Variants in CARM1 observed in about 807,000 individuals in gnomAD.
CARM1 encodes histone-arginine methyltransferase CARM1.
In CARM1, 14 loss-of-function variants were observed where a neutral mutation model predicts 72.7. The observed-to-expected ratio is 0.19, with a 90% CI of 0.13 to 0.30. The LOEUF (loss-of-function observed/expected upper bound fraction) is 0.30, where lower values mean the gene tolerates loss of function less well. Among genes scored for constraint, CARM1 ranks in the 10% least tolerant of loss-of-function variants. The pLI, the probability that CARM1 is intolerant of heterozygous loss-of-function variation, is 1.00. For synonymous variants in CARM1, 333 were observed against 345.5 expected (o/e 0.96, Z 0.40); for missense variants, 432 against 833.7 (o/e 0.52, Z 5.93).
chr19:10,908,177 T>TC lies in CARM1; in HGVS notation c.453+38dup, dbSNP rs768706879. 11 of 1,437,594 alleles carry TC rather than the reference T, an allele frequency of 7.7e-6. No individual in the cohort carries two copies. In the East Asian group the frequency reaches 1.9e-4, roughly 25 times the overall value. The allele number at this position is 1,437,594 out of a possible 1,614,324, so 89.1% of individuals were successfully genotyped here. A position where few individuals can be genotyped will look rare whatever the true frequency, so the allele number is the denominator to read the frequency against. On this transcript the variant is annotated intron_variant, in intron 3 of 15. Transcript: ENST00000327064. ...TGTACTCCCCCTCAGCCAGGCCGCC[T>TC]CCCCCCGGCAGCCCCCCTGCCACTC...
At chr19:10,877,077 C>G (rs758253341) in intron 1 of CARM1, among the ~76,000 whole-genome samples, 27 of 152,112 alleles carry the variant, frequency 1.8e-4, no homozygotes, top group Non-Finnish European at 3.8e-4. Context: ...CCTGCTGTCA[C>G]CGAACCAGGG....
chr19:10,881,450 G>A (rs916886083), intron 1 of CARM1, among the ~76,000 whole-genome samples: 2 of 152,184 alleles, frequency 1.3e-5, no homozygotes, highest in Non-Finnish European at 2.9e-5. Context: ...TCTGCGCAGG[G>A]CCAGGACATC....
chr19:10,914,183 C>A (rs962160536), intron 6 of CARM1, 129 bp downstream of exon 6: 4 of 942,660 alleles, frequency 4.2e-6, no homozygotes, highest in Non-Finnish European at 6.2e-6. Context: ...CTGGGCTTTT[C>A]CCCCGCTCCC....
At chr19:10,900,951 G>A (rs567450967) in intron 1 of CARM1, among the ~76,000 whole-genome samples, 1 of 151,854 alleles carries the variant, frequency 6.6e-6, no homozygotes, top group Admixed American at 6.6e-5. Context: ...CCAAAGTGCT[G>A]GGATTACAGG....
Position 10,913,993 on chromosome 19 carries a change from G to T in CARM1, c.786G>T (p.Met262Ile). ...DIIISEPMGY[M>I]LFNERMLESY... ...TCATCTCGGAGCCCATGGGCTACATGCTCTTCAACGAGCGCATGCTGGAGA... is the reference window on the plus strand; with the variant it reads ...TCATCTCGGAGCCCATGGGCTACATTCTCTTCAACGAGCGCATGCTGGAGA... Residue 262 changes from methionine (M) to isoleucine (I), a missense_variant, in exon 6 of 16, where the codon ATG (methionine) becomes ATT (isoleucine). Met to Ile is a conservative substitution (Grantham distance 10). Transcript: ENST00000327064. 1 of 1,613,734 alleles carries T rather than the reference G, an allele frequency of 6.2e-7. No homozygotes were observed.
At chr19:10,911,713 G>A (rs568130172) in intron 4 of CARM1, among the ~76,000 whole-genome samples, 24 of 152,344 alleles carry the variant, frequency 1.6e-4, no homozygotes, top group African/African-American at 5.3e-4. Context: ...TGACCACCAC[G>A]GGCCAGTAGC....
At chr19:10,877,761 T>C (rs2073874557) in intron 1 of CARM1, among the ~76,000 whole-genome samples, 1 of 152,134 alleles carries the variant, frequency 6.6e-6, no homozygotes, top group Admixed American at 6.5e-5. Flanking sequence ...GGAATCTCGC[T>C]CTGTTGCCCA....
Position 10,908,157 on chromosome 19 carries a change from T to G in CARM1, c.453+12T>G. 2 of 1,584,718 alleles carry G rather than the reference T, an allele frequency of 1.3e-6. No individual in the cohort carries two copies. Among genetic ancestry groups the G allele is most frequent in the Non-Finnish European group, 1.7e-6 (2 of 1,153,994 alleles). ...TGCAGTACTTCCAGGTGGGTTGTAC[T>G]CCCCCTCAGCCAGGCCGCCTCCCCC... On this transcript the variant is annotated intron_variant, in intron 3 of 15. Coordinates refer to ENST00000327064, the MANE Select transcript of CARM1 (RefSeq NM_199141.2).
intron 1 of CARM1, among the ~76,000 whole-genome samples, chr19:10,885,203 C>T (rs2073932489): frequency 6.6e-6 from 1 of 152,230 alleles, no homozygotes; most frequent in Admixed American, 6.5e-5. Context: ...TTGTCCCCTG[C>T]TGCCAGGCGG....
intron 1 of CARM1, among the ~76,000 whole-genome samples, chr19:10,882,702 C>T (rs1163262066): frequency 2.0e-5 from 3 of 151,964 alleles, no homozygotes; most frequent in Non-Finnish European, 4.4e-5. Context: ...ACACCATGCC[C>T]GGCTAATTTT....
At chr19:10,873,724 C>G (rs1025031599) in intron 1 of CARM1, among the ~76,000 whole-genome samples, 2 of 133,826 alleles carry the variant, frequency 1.5e-5, no homozygotes, top group African/African-American at 5.6e-5. Flanking sequence ...ACTGCAAGCT[C>G]TGCCACCTGG....
intron 1 of CARM1, among the ~76,000 whole-genome samples, chr19:10,898,971 A>C (rs2074043554): frequency 6.7e-6 from 1 of 149,366 alleles, no homozygotes; most frequent in South Asian, 2.1e-4. Context: ...ATGAGGAATG[A>C]TGGGCACAGA....
chr19:10,887,021 A>G (rs2146311762), intron 1 of CARM1, among the ~76,000 whole-genome samples: 2 of 152,034 alleles, frequency 1.3e-5, no homozygotes, highest in East Asian at 3.9e-4. Flanking sequence ...CTGGGACTGC[A>G]GGGGGGCACC....
At chr19:10,874,512 C>T (rs1295592263) in intron 1 of CARM1, among the ~76,000 whole-genome samples, 1 of 152,068 alleles carries the variant, frequency 6.6e-6, no homozygotes, top group Non-Finnish European at 1.5e-5. Flanking sequence ...CATACCTCAG[C>T]CTCCCTAGTA....
At chr19:10,902,998 T>C (rs944539807) in intron 1 of CARM1, among the ~76,000 whole-genome samples, 5 of 152,208 alleles carry the variant, frequency 3.3e-5, no homozygotes, top group African/African-American at 9.6e-5. Flanking sequence ...TTAGCTCTTA[T>C]ATTTAGGTCA....
At chr19:10,890,064 A>G (rs2073969977) in intron 1 of CARM1, among the ~76,000 whole-genome samples, 2 of 152,094 alleles carry the variant, frequency 1.3e-5, no homozygotes, top group African/African-American at 2.4e-5. Flanking sequence ...CGTGGGCAAC[A>G]TAGCAAGACC....
intron 1 of CARM1, among the ~76,000 whole-genome samples, chr19:10,873,688 G>A (rs887588126): frequency 1.0e-4 from 12 of 115,076 alleles, no homozygotes; most frequent in African/African-American, 4.0e-4. Context: ...CCCCCAGGCT[G>A]AAGTGCAGTG....
At chr19:10,899,549 G>A (rs1374974476) in intron 1 of CARM1, among the ~76,000 whole-genome samples, 1 of 152,040 alleles carries the variant, frequency 6.6e-6, no homozygotes, top group Non-Finnish European at 1.5e-5. Context: ...CTCCTGGCAG[G>A]GCTCAGGAGG....
In CARM1 at chr19:10,922,759, G is replaced by A. The variant is rs1487598609; in HGVS notation, c.*1002G>A. The A allele has an allele frequency of 6.6e-6, 1 of 152,580 alleles. No homozygotes were observed. Among genetic ancestry groups the A allele is most frequent in the Non-Finnish European group, 1.5e-5 (1 of 68,272 alleles). 9.5% of individuals were successfully genotyped at this position (152,580 alleles called of 1,614,324 possible). On this transcript the variant is annotated 3_prime_UTR_variant, in exon 16 of 16. Transcript: ENST00000327064. ...AGAAAAAGAAAGAAAAAATAAATGA[G>A]GAAACGTGTTGCAGCACAGGCAGTT...
Sources: allele counts gnomAD v4.1 joint callset (sites outside exome capture counted in the v4.1 genomes callset), GRCh38; gene constraint gnomAD v4.1.1; transcripts MANE v1.5; gene names NCBI Gene and HGNC (gene_info 2026-07-23, HGNC 2026-07-21).